Variants in PHACTR3 observed in about 807,000 individuals in gnomAD.
The protein encoded by PHACTR3 is phosphatase and actin regulator 3.
In PHACTR3, 16 loss-of-function variants were observed where a neutral mutation model predicts 66.8. That is an observed-to-expected ratio of 0.24 (90% CI 0.16 to 0.36). PHACTR3 has a LOEUF of 0.36. PHACTR3 is among the 10% of genes least tolerant of loss of function. PHACTR3 has a pLI of 1.00. For missense variants in PHACTR3, 647 were observed against 719.9 expected (o/e 0.90, Z 1.16); for synonymous variants, 323 against 292.1 (o/e 1.11, Z -1.08).
chr20:59,649,443 T>A (rs1488857096), intron 1 of PHACTR3, among the ~76,000 whole-genome samples: 1 of 152,250 alleles, frequency 6.6e-6, no homozygotes, highest in African/African-American at 2.4e-5. Context: ...TTTCTTTCTT[T>A]AAATATTGTA....
At chr20:59,799,533 T>G (rs1387580734) in intron 7 of PHACTR3, among the ~76,000 whole-genome samples, 1 of 152,176 alleles carries the variant, frequency 6.6e-6, no homozygotes, top group Non-Finnish European at 1.5e-5. Flanking sequence ...ATGACCCTTT[T>G]CAAAGAACCT....
intron 8 of PHACTR3, among the ~76,000 whole-genome samples, chr20:59,813,712 G>A (rs1051517069): frequency 5.9e-5 from 9 of 152,140 alleles, no homozygotes; most frequent in African/African-American, 2.2e-4. Flanking sequence ...CTACCCTGGG[G>A]GCTGAGAAGG....
chr20:59,690,706 G>A (rs1199705732), intron 1 of PHACTR3, among the ~76,000 whole-genome samples: 1 of 152,156 alleles, frequency 6.6e-6, no homozygotes, highest in African/African-American at 2.4e-5. Flanking sequence ...ATCTCATGGT[G>A]GAATAGTTTC....
At chr20:59,843,368 C>T (rs1364026565) in intron 11 of PHACTR3, 1 of 151,964 alleles carries the variant, frequency 6.6e-6, no homozygotes, top group African/African-American at 2.4e-5. Context: ...CATGTGAAAC[C>T]CAAAAAGAAC....
chr20:59,597,897 CTT>C (rs1017230426), intron 1 of PHACTR3, among the ~76,000 whole-genome samples: 9 of 152,366 alleles, frequency 5.9e-5, no homozygotes, highest in African/African-American at 2.2e-4. Context: ...GTGACAAATG[CTT>C]TTTCTGTAAG....
At position 59,822,268 on chromosome 20, in the gene PHACTR3, C is replaced by T. The variant is rs570609420; in HGVS notation, c.1329-14237C>T. ...CCCCTCCCCACAGTGATCCCACCCCCTCCGCAGTGATCCCACCCCCTCCCC... is the reference window on the plus strand; with the variant it reads ...CCCCTCCCCACAGTGATCCCACCCCTTCCGCAGTGATCCCACCCCCTCCCC... On this transcript the variant is annotated intron_variant, in intron 8 of 12. Coordinates refer to ENST00000371015, the MANE Select transcript of PHACTR3 (RefSeq NM_080672.5). Among the ~76,000 whole-genome samples, 53 of 62,062 alleles carry T rather than the reference C, an allele frequency of 8.5e-4. 2 individuals are homozygous for T. The highest frequency in any genetic ancestry group is 4.1e-3 in the African/African-American group (47 of 11,344). 40.7% of individuals were successfully genotyped at this position (62,062 alleles called of 152,430 possible).
At chr20:59,643,267 A>G (rs2035168916) in intron 1 of PHACTR3, among the ~76,000 whole-genome samples, 1 of 152,222 alleles carries the variant, frequency 6.6e-6, no homozygotes, top group Non-Finnish European at 1.5e-5. Context: ...CCTGCACAGC[A>G]TCAATGCACA....
chr20:59,752,855 GCTGGCAGAGCC>G lies in PHACTR3; in HGVS notation c.359-2323_359-2313del, dbSNP rs549245380. ...CACATAGGGTAGGTGTGAAGCTCAAGCTGGCAGAGCCCTGTGCTCCCCTACGCCAGCTCTCA... is the reference window on the plus strand; with the variant it reads ...CACATAGGGTAGGTGTGAAGCTCAAGCTGTGCTCCCCTACGCCAGCTCTCA... On this transcript the variant is annotated intron_variant, in intron 3 of 12. Transcript: ENST00000371015. Among the ~76,000 whole-genome samples the G allele has an allele frequency of 2.3e-3, 349 of 152,292 alleles. 2 individuals carry two copies. The highest frequency in any genetic ancestry group is 7.7e-3 in the African/African-American group (320 of 41,560).
intron 1 of PHACTR3, among the ~76,000 whole-genome samples, chr20:59,733,445 A>G (rs555204072): frequency 2.0e-5 from 3 of 152,168 alleles, no homozygotes; most frequent in Non-Finnish European, 4.4e-5. Context: ...GCCACAGGCA[A>G]TTGGATTTTC....
intron 5 of PHACTR3, among the ~76,000 whole-genome samples, chr20:59,771,717 C>T (rs946300137): frequency 5.3e-5 from 8 of 152,232 alleles, no homozygotes; most frequent in Non-Finnish European, 1.2e-4. Flanking sequence ...ACGGCAGGGC[C>T]TGGCCCGTTT....
At chr20:59,621,801 A>G (rs2034250061) in intron 1 of PHACTR3, among the ~76,000 whole-genome samples, 1 of 152,206 alleles carries the variant, frequency 6.6e-6, no homozygotes, top group Non-Finnish European at 1.5e-5. Context: ...GGTGCAGAGG[A>G]CAAAGGAAGG....
chr20:59,803,730 G>A (rs572489378), intron 7 of PHACTR3, among the ~76,000 whole-genome samples: 85 of 152,262 alleles, frequency 5.6e-4, no homozygotes, highest in African/African-American at 1.8e-3. Flanking sequence ...GGATGTTTAC[G>A]TTGTGTTCAA....
At chr20:59,610,312 C>G (rs542893551) in intron 1 of PHACTR3, among the ~76,000 whole-genome samples, 19 of 152,302 alleles carry the variant, frequency 1.2e-4, no homozygotes, top group African/African-American at 4.6e-4. Context: ...ACACAGAAGC[C>G]AATGACAATG....
intron 1 of PHACTR3, among the ~76,000 whole-genome samples, chr20:59,617,942 G>A (rs944162448): frequency 2.0e-5 from 3 of 152,172 alleles, no homozygotes; most frequent in African/African-American, 7.2e-5. Flanking sequence ...GTGAGTGATG[G>A]GCTTGGATCA....
At chr20:59,594,919 C>T (rs2033280031) in intron 1 of PHACTR3, among the ~76,000 whole-genome samples, 1 of 152,122 alleles carries the variant, frequency 6.6e-6, no homozygotes, top group South Asian at 2.1e-4. Context: ...CTAGGATATA[C>T]CTTCAGTGTT....
chr20:59,754,933 G>A (rs2039729653), intron 3 of PHACTR3, among the ~76,000 whole-genome samples: 1 of 152,246 alleles, frequency 6.6e-6, no homozygotes, highest in South Asian at 2.1e-4. Context: ...TCCCACAGGT[G>A]TCGGAGGAAG....
chr20:59,840,792 GCTTTTGTTCA>G (rs2145512535), intron 10 of PHACTR3, among the ~76,000 whole-genome samples: 1 of 152,308 alleles, frequency 6.6e-6, no homozygotes, highest in Admixed American at 6.5e-5. Flanking sequence ...TACACTCATC[GCTTTTGTTCA>G]CCTCCAATAT....
At chr20:59,771,021 AC>A (rs1371824796) in intron 5 of PHACTR3, among the ~76,000 whole-genome samples, 1 of 152,142 alleles carries the variant, frequency 6.6e-6, no homozygotes, top group Admixed American at 6.5e-5. Context: ...AATGGGGGTG[AC>A]AAGTGGTCCC....
At chr20:59,602,842 G>A (rs1471826880), upstream of PHACTR3, among the ~76,000 whole-genome samples, 1 of 152,190 alleles carries the variant, frequency 6.6e-6, no homozygotes, top group Non-Finnish European at 1.5e-5. Flanking sequence ...ACAGCCCCTG[G>A]GGACTTGGAG....
Sources: gnomAD v4.1 joint callset for allele counts (sites outside exome capture counted in the v4.1 genomes callset) on GRCh38, gnomAD v4.1.1 for gene constraint, MANE v1.5 for transcripts, NCBI Gene and HGNC (gene_info 2026-07-23, HGNC 2026-07-21) for gene names.